RBFOX1: variants seen among roughly 807,000 people sequenced by gnomAD.
RBFOX1 encodes RNA binding protein fox-1 homolog 1.
RBFOX1 carries 8 observed loss-of-function variants against 57.7 expected under a neutral mutation model. The observed-to-expected ratio is 0.14, with a 90% confidence interval of 0.08 to 0.25. The LOEUF is 0.25. Ranked by LOEUF, RBFOX1 falls within the 10% of genes least tolerant of loss-of-function variation. RBFOX1 has a pLI of 1.00. For missense variants in RBFOX1, 611 were observed against 548.5 expected, an observed-to-expected ratio of 1.11 and a Z score of -1.14; for synonymous variants, 326 against 222.4, an observed-to-expected ratio of 1.47 and a Z score of -4.15.
chr16:7,031,587 T>G (rs2042803195), intron 3 of RBFOX1, among the ~76,000 whole-genome samples: 1 of 147,404 alleles, frequency 6.8e-6, no homozygotes, highest in African/African-American at 2.6e-5. Flanking sequence ...GGCAACAGAG[T>G]GAGACCCTGC....
rs112765671 is a variant in RBFOX1 at position 5,830,379 on chromosome 16, GT to G, written c.319-36912del. Reference sequence around the variant, plus strand: ...TAAATTTCCAATCATTTTGCTTTTTGTTTTTTTTTTTTGTTCTTTCTGTAAA... The same window carrying G: ...TAAATTTCCAATCATTTTGCTTTTTGTTTTTTTTTTTGTTCTTTCTGTAAA... On this transcript the variant is annotated intron_variant, in intron 3 of 19. Transcript: ENST00000641259. 5.1e-3 allele frequency among the ~76,000 whole-genome samples: 719 copies of G among 141,516 alleles called. 3 individuals are homozygous for G. The highest frequency in any genetic ancestry group is 0.026 in the Middle Eastern group (7 of 274). The allele number at this position is 141,516 out of a possible 152,430, so 92.8% of individuals were successfully genotyped here. A position where few individuals can be genotyped will look rare whatever the true frequency, so the allele number is the denominator to read the frequency against.
At chr16:6,685,429 C>G (rs1243869716) in intron 3 of RBFOX1, among the ~76,000 whole-genome samples, 1 of 144,240 alleles carries the variant, frequency 6.9e-6, no homozygotes, top group African/African-American at 2.6e-5. Context: ...GCATGTGCCA[C>G]TATACCCAGC....
chr16:5,744,361 G>C (rs1490357263), intron 3 of RBFOX1, among the ~76,000 whole-genome samples: 1 of 152,108 alleles, frequency 6.6e-6, no homozygotes, highest in Admixed American at 6.5e-5. Context: ...TATTTCCATA[G>C]CTGCTCATGG....
intron 13 of RBFOX1, 108 bp downstream of exon 13, chr16:7,665,076 G>A: frequency 2.5e-6 from 4 of 1,603,004 alleles, no homozygotes; most frequent in Non-Finnish European, 3.4e-6. Flanking sequence ...TCTCTCCTTG[G>A]TCTGTAGGAA....
At chr16:6,437,478 A>G (rs566086393) in intron 2 of RBFOX1, among the ~76,000 whole-genome samples, 1 of 152,294 alleles carries the variant, frequency 6.6e-6, no homozygotes, top group African/African-American at 2.4e-5. Context: ...AATGTATTTC[A>G]CAACCCACTG....
At chr16:5,420,391 TACAC>T (rs59939324) in intron 1 of RBFOX1, among the ~76,000 whole-genome samples, 94,658 of 151,044 alleles carry the variant, frequency 0.63, 29,729 homozygotes, top group East Asian at 0.68. Flanking sequence ...CACCCCCATA[TACAC>T]ACACACACAC....
At chr16:6,802,476 A>G (rs2085709390) in intron 3 of RBFOX1, among the ~76,000 whole-genome samples, 1 of 152,128 alleles carries the variant, frequency 6.6e-6, no homozygotes, top group Admixed American at 6.5e-5. Context: ...CAGGAGTTTG[A>G]GACCAGCCTG....
At chr16:6,673,477 A>C (rs913054511) in intron 3 of RBFOX1, among the ~76,000 whole-genome samples, 17 of 152,128 alleles carry the variant, frequency 1.1e-4, no homozygotes, top group African/African-American at 3.6e-4. Flanking sequence ...AATCCCAGCT[A>C]CTGGGGAAGT....
chr16:7,367,846 G>C (rs1453282837), intron 4 of RBFOX1, among the ~76,000 whole-genome samples: 1 of 150,478 alleles, frequency 6.6e-6, no homozygotes. Flanking sequence ...ATATATATAT[G>C]CATATATATG....
chr16:7,371,141 CCTT>C (rs2097558469), intron 4 of RBFOX1, among the ~76,000 whole-genome samples: 1 of 152,188 alleles, frequency 6.6e-6, no homozygotes, highest in South Asian at 2.1e-4. Flanking sequence ...CTTTTACTCT[CCTT>C]CTGCCCTTCT....
intron 3 of RBFOX1, among the ~76,000 whole-genome samples, chr16:6,932,634 C>T (rs780760380): frequency 6.6e-6 from 1 of 152,156 alleles, no homozygotes; most frequent in African/African-American, 2.4e-5. Context: ...AACATCTAGC[C>T]CCAGGCATCT....
At position 6,633,863 on chromosome 16, in the gene RBFOX1, T is replaced by C. The variant is rs544502744; in HGVS notation, c.-63-20740T>C. 6.1e-4 allele frequency among the ~76,000 whole-genome samples: 92 copies of C among 152,056 alleles called. 2 individuals are homozygous for C. Among genetic ancestry groups the C allele is most frequent in the Non-Finnish European group, 1.5e-4 (10 of 67,978 alleles). ...TCTCTATAAAAAAATAAAAATAAAT[T>C]AGCCATGCATGGTGGTGCATGCCTG... On this transcript the variant is annotated intron_variant, in intron 2 of 15. Coordinates refer to ENST00000550418, the MANE Select transcript of RBFOX1 (RefSeq NM_018723.4).
At chr16:7,233,306 C>G (rs980033726) in intron 4 of RBFOX1, among the ~76,000 whole-genome samples, 17 of 151,802 alleles carry the variant, frequency 1.1e-4, no homozygotes, top group Non-Finnish European at 1.8e-4. Context: ...CTTCAAAGAC[C>G]TTTTCTATTT....
At chr16:7,062,794 G>A (rs569066913) in intron 4 of RBFOX1, among the ~76,000 whole-genome samples, 1 of 151,310 alleles carries the variant, frequency 6.6e-6, no homozygotes, top group African/African-American at 2.4e-5. Context: ...GGTTCCCAGG[G>A]CTAGACCTCA....
intron 2 of RBFOX1, among the ~76,000 whole-genome samples, chr16:6,621,809 C>G (rs1260701472): frequency 1.3e-5 from 2 of 152,092 alleles, no homozygotes; most frequent in Non-Finnish European, 2.9e-5. Flanking sequence ...AAAGAACATA[C>G]CATTTAAAGA....
At chr16:6,771,898 T>G (rs1472230682) in intron 3 of RBFOX1, among the ~76,000 whole-genome samples, 3 of 152,124 alleles carry the variant, frequency 2.0e-5, no homozygotes. Context: ...AGACCTTTGG[T>G]GTTCTTTGAA....
At chr16:5,525,953 C>G (rs2044227918) in intron 2 of RBFOX1, among the ~76,000 whole-genome samples, 1 of 150,926 alleles carries the variant, frequency 6.6e-6, no homozygotes, top group Non-Finnish European at 1.5e-5. Context: ...TCATGTGAAG[C>G]TACTTAGCAT....
chr16:6,249,681 C>T lies in RBFOX1; in HGVS notation c.-126-67314C>T, dbSNP rs111936088. Reference sequence around the variant, plus strand: ...AAAGGTGAGATCTAGCCAGGGCATCCATGCCAAGTGATGACATGATTTTAA... The same window carrying T: ...AAAGGTGAGATCTAGCCAGGGCATCTATGCCAAGTGATGACATGATTTTAA... On this transcript the variant is annotated intron_variant, in intron 1 of 15. Transcript: ENST00000550418. 6.0e-3 allele frequency among the ~76,000 whole-genome samples: 915 copies of T among 152,018 alleles called. 10 individuals carry two copies. The highest frequency in any genetic ancestry group is 0.02 in the African/African-American group (850 of 41,480).
intron 3 of RBFOX1, among the ~76,000 whole-genome samples, chr16:6,759,473 CTGTGTGTGTGTGTGT>C (rs2076286267): frequency 7.0e-6 from 1 of 143,082 alleles, no homozygotes; most frequent in Non-Finnish European, 1.5e-5. Flanking sequence ...TGTCAGTTGT[CTGTGTGTGTGTGTGT>C]GTGTGTGTGT....
Sources: allele counts gnomAD v4.1 joint callset (sites outside exome capture counted in the v4.1 genomes callset), GRCh38; gene constraint gnomAD v4.1.1; transcripts MANE v1.5; gene names NCBI Gene and HGNC (gene_info 2026-07-23, HGNC 2026-07-21).